STK32B: variants seen among roughly 807,000 people sequenced by gnomAD.
The protein encoded by STK32B is serine/threonine-protein kinase 32B.
In STK32B, 43 loss-of-function variants were observed where a neutral mutation model predicts 52.6. That is an observed-to-expected ratio of 0.82 (90% CI 0.64 to 1.05). STK32B has a LOEUF of 1.05. Among genes scored for constraint, STK32B ranks in the 50% least tolerant of loss-of-function variants. The pLI, the probability that STK32B is intolerant of heterozygous loss-of-function variation, is 0.00. For synonymous variants in STK32B, 238 were observed against 204.3 expected (o/e 1.17, Z -1.41); for missense variants, 621 against 534.6 (o/e 1.16, Z -1.59).
At chr4:5,331,523 A>G (rs1732251357) in intron 4 of STK32B, 130 bp downstream of exon 4, 1 of 936,192 alleles carries the variant, frequency 1.1e-6, no homozygotes, top group Non-Finnish European at 1.5e-6. Flanking sequence ...TGAGGGAAAA[A>G]AGCAGAACAC....
At chr4:5,240,544 C>T (rs962502993) in intron 3 of STK32B, among the ~76,000 whole-genome samples, 4 of 152,128 alleles carry the variant, frequency 2.6e-5, no homozygotes, top group Non-Finnish European at 4.4e-5. Context: ...ACTGCAACCT[C>T]CGCCTCCCGG....
At position 5,251,455 on chromosome 4, in the gene STK32B, A is replaced by G. The variant is rs558412388; in HGVS notation, c.261-79765A>G. ...TCCATTGATCTGGTATTTTTGTACC[A>G]GTACCATGCTATTTTGTTTACTGTA... On this transcript the variant is annotated intron_variant, in intron 3 of 11. Transcript: ENST00000282908. Among the ~76,000 whole-genome samples, 41 of 152,322 alleles carry G rather than the reference A, an allele frequency of 2.7e-4. 1 individual carries two copies. The Middle Eastern group carries it at 0.01, about 38-fold the overall frequency.
rs940535020 is a variant in STK32B at position 5,082,920 on chromosome 4, C to A, written c.52+31005C>A. ...ATACAATTCACTTTCCACTTTCCAA[C>A]TTTCCATTGATTGGTATTTTCCACA... On this transcript the variant is annotated intron_variant, in intron 1 of 11. Coordinates refer to ENST00000282908, the MANE Select transcript of STK32B (RefSeq NM_018401.3). Among the ~76,000 whole-genome samples, 4 of 152,176 alleles carry A rather than the reference C, an allele frequency of 2.6e-5. No individual in the cohort carries two copies. The East Asian group carries it at 7.7e-4, about 29-fold the overall frequency.
At chr4:5,340,329 T>A (rs1047837044) in intron 4 of STK32B, among the ~76,000 whole-genome samples, 5 of 152,054 alleles carry the variant, frequency 3.3e-5, no homozygotes, top group African/African-American at 1.2e-4. Flanking sequence ...AGGGGCCGAG[T>A]TGGCAAGTAA....
At chr4:5,482,918 T>G (rs1458897151) in intron 11 of STK32B, among the ~76,000 whole-genome samples, 2 of 152,254 alleles carry the variant, frequency 1.3e-5, no homozygotes, top group African/African-American at 2.4e-5. Flanking sequence ...GAACCAGCCT[T>G]GCATCCCAGG....
At position 5,460,792 on chromosome 4, in the gene STK32B, C is replaced by G. The variant is rs1716969156; in HGVS notation, c.909+564C>G. On this transcript the variant is annotated intron_variant, in intron 9 of 11. Transcript: ENST00000282908. The surrounding 1 kb of genome is among the most constrained non-coding windows in gnomAD (Gnocchi z 4.8). ...AGCAGAAAGCCTGGGTTTCAAAGAA[C>G]AATTTTATAGCATTTAAGGGAATAA... Among the ~76,000 whole-genome samples the G allele has an allele frequency of 6.6e-6, 1 of 152,098 alleles. No homozygotes were observed. Among genetic ancestry groups the G allele is most frequent in the Admixed American group, 6.6e-5 (1 of 15,262 alleles).
intron 11 of STK32B, among the ~76,000 whole-genome samples, chr4:5,492,090 A>G (rs1048639671): frequency 6.6e-6 from 1 of 152,070 alleles, no homozygotes; most frequent in Non-Finnish European, 1.5e-5. Flanking sequence ...ATGAACTTTA[A>G]AGTAGTTTTT....
At chr4:5,350,475 A>G (rs982004961) in intron 4 of STK32B, among the ~76,000 whole-genome samples, 4 of 152,164 alleles carry the variant, frequency 2.6e-5, no homozygotes, top group Admixed American at 6.5e-5. Context: ...CAAAAATATG[A>G]AAACCACTGG....
chr4:5,176,138 C>T lies in STK32B; in HGVS notation c.260+7688C>T, dbSNP rs114695815. Among the ~76,000 whole-genome samples the T allele has an allele frequency of 8.8e-3, 1,334 of 152,290 alleles. 18 individuals carry two copies. The highest frequency in any genetic ancestry group is 0.023 in the Admixed American group (355 of 15,296). ...TAATCTCCTGGTGTGCCGTTTGTTG[C>T]GCCCATTGGAAAAGCGTAGTATTAG... On this transcript the variant is annotated intron_variant, in intron 3 of 11. Transcript: ENST00000282908.
At position 5,469,147 on chromosome 4, in the gene STK32B, C is replaced by A. The variant is rs897161748; in HGVS notation, c.1106+1077C>A. Among the ~76,000 whole-genome samples the A allele has an allele frequency of 1.3e-5, 2 of 152,144 alleles. No homozygotes were observed. Among genetic ancestry groups the A allele is most frequent in the Non-Finnish European group, 2.9e-5 (2 of 68,042 alleles). ...GGGCAGCCGATGAGCCCCATTGGAC[C>A]CACACTAAGCCAAGCTTTGGGTTGG... On this transcript the variant is annotated intron_variant, in intron 11 of 11. Transcript: ENST00000282908. The surrounding 1 kb of genome is among the most constrained non-coding windows in gnomAD (Gnocchi z 4.7).
At chr4:5,492,284 A>C (rs578213480) in intron 11 of STK32B, among the ~76,000 whole-genome samples, 1,541 of 152,212 alleles carry the variant, frequency 0.01, 20 homozygotes, top group African/African-American at 0.034. Flanking sequence ...CTCCTTGAAG[A>C]GGTCCTTCAC....
In STK32B at chr4:5,378,708, G is replaced by C. The variant is rs531282182; in HGVS notation, c.435-19499G>C. Among the ~76,000 whole-genome samples, 1 of 152,258 alleles carries C rather than the reference G, an allele frequency of 6.6e-6. No homozygotes were observed. Among genetic ancestry groups the C allele is most frequent in the South Asian group, 2.1e-4 (1 of 4,824 alleles). On this transcript the variant is annotated intron_variant, in intron 4 of 11. Coordinates refer to ENST00000282908, the MANE Select transcript of STK32B (RefSeq NM_018401.3). This position sits in a 1 kb window ranked among gnomAD's most constrained non-coding sequence, Gnocchi z 4.4. ...TGAAATAAGCACATCGTGGAGAATG[G>C]ACTCTGCATTTTAGTCAGCACACCT...
Position 5,395,661 on chromosome 4 carries a change from C to A in STK32B, c.435-2546C>A, listed in dbSNP as rs577981355. 6.6e-6 allele frequency among the ~76,000 whole-genome samples: 1 copy of A among 152,194 alleles called. No homozygotes were observed. Among genetic ancestry groups the A allele is most frequent in the African/African-American group, 2.4e-5 (1 of 41,454 alleles). Reference sequence around the variant, plus strand: ...GTCCTTCATGACCGCAAAGGGGACACCCCCGTAAATGCTTGAGATTCCACT... The same window carrying A: ...GTCCTTCATGACCGCAAAGGGGACAACCCCGTAAATGCTTGAGATTCCACT... On this transcript the variant is annotated intron_variant, in intron 4 of 11. Transcript: ENST00000282908. The surrounding 1 kb of genome is among the most constrained non-coding windows in gnomAD (Gnocchi z 4.4).
rs58022709 is a variant in STK32B at position 5,230,208 on chromosome 4, T to TTG, written c.260+61759_260+61760insGT. 4.0e-3 allele frequency among the ~76,000 whole-genome samples: 417 copies of TTG among 103,466 alleles called. 15 individuals are homozygous for TTG. Among genetic ancestry groups the TTG allele is most frequent in the African/African-American group, 6.1e-3 (182 of 30,078 alleles). 67.9% of individuals were successfully genotyped at this position (103,466 alleles called of 152,430 possible). ...TTTTTTTTTTTTTTTTTTTTTTTTTTTAGTGGAGTCTTGCACCGTCGCCCA... is the reference window on the plus strand; with the variant it reads ...TTTTTTTTTTTTTTTTTTTTTTTTTTTGTAGTGGAGTCTTGCACCGTCGCCCA... On this transcript the variant is annotated intron_variant, in intron 3 of 11. Transcript: ENST00000282908.
intron 4 of STK32B, among the ~76,000 whole-genome samples, chr4:5,369,419 A>G (rs997929548): frequency 1.4e-4 from 21 of 152,080 alleles, no homozygotes; most frequent in African/African-American, 5.1e-4. Context: ...TCTCATTTTC[A>G]TTCTTTCTTC....
rs1577051257 is a variant in STK32B at position 5,074,981 on chromosome 4, A to C, written c.52+23066A>C. 2.0e-5 allele frequency among the ~76,000 whole-genome samples: 3 copies of C among 152,216 alleles called. 1 individual carries two copies. In the South Asian group the frequency reaches 6.2e-4, roughly 32 times the overall value. On this transcript the variant is annotated intron_variant, in intron 1 of 11. Transcript: ENST00000282908. ...GTCTCCAACACTGGGCAGCTACTGA[A>C]ATCTCTACTAAGCTCTTTCAATTTT...
chr4:5,246,898 A>C (rs1725494375), intron 3 of STK32B, among the ~76,000 whole-genome samples: 1 of 152,206 alleles, frequency 6.6e-6, no homozygotes, highest in Admixed American at 6.5e-5. Context: ...GATATTGGTG[A>C]GCCGCAAATG....
At chr4:5,316,138 T>TATATATAAATAAATATATATAACTAA in intron 3 of STK32B, among the ~76,000 whole-genome samples, 1 of 93,780 alleles carries the variant, frequency 1.1e-5, no homozygotes, top group East Asian at 2.5e-4. Flanking sequence ...TCAAGTTATA[T>TATATATAAATAAATATATATAACTAA]ATATATATAA....
intron 3 of STK32B, among the ~76,000 whole-genome samples, chr4:5,230,973 G>A (rs894740569): frequency 1.2e-4 from 18 of 152,138 alleles, no homozygotes; most frequent in Non-Finnish European, 2.4e-4. Flanking sequence ...AAAAGGATAC[G>A]GACACTTCTG....
Sources: gnomAD v4.1 joint callset for allele counts (sites outside exome capture counted in the v4.1 genomes callset) on GRCh38, gnomAD v4.1.1 for gene constraint, Gnocchi (gnomAD v3.1) non-coding constraint, MANE v1.5 for transcripts, NCBI Gene and HGNC (gene_info 2026-07-23, HGNC 2026-07-21) for gene names.